Variants in RAP1GAP2 observed in about 807,000 individuals in gnomAD.
RAP1GAP2 encodes rap1 GTPase-activating protein 2.
RAP1GAP2 carries 27 observed loss-of-function variants against 95.0 expected under a neutral mutation model. The observed-to-expected ratio is 0.28, with a 90% confidence interval of 0.21 to 0.39. RAP1GAP2 has a LOEUF of 0.39. Among genes scored for constraint, RAP1GAP2 ranks in the 10% least tolerant of loss-of-function variants. RAP1GAP2 has a pLI of 1.00. For synonymous variants in RAP1GAP2, 373 were observed against 380.9 expected, an observed-to-expected ratio of 0.98 and a Z score of 0.24; for missense variants, 771 against 970.0, an observed-to-expected ratio of 0.79 and a Z score of 2.72.
At chr17:2,828,811 T>A (rs1477416365) in intron 2 of RAP1GAP2, among the ~76,000 whole-genome samples, 1 of 152,086 alleles carries the variant, frequency 6.6e-6, no homozygotes, top group Non-Finnish European at 1.5e-5. Flanking sequence ...CGGGTCTTGC[T>A]TTCAGTGTTT....
intron 4 of RAP1GAP2, 95 bp downstream of exon 4, chr17:2,957,889 C>A (rs1567822549): frequency 3.1e-6 from 4 of 1,300,348 alleles, no homozygotes; most frequent in African/African-American, 3.1e-5. Flanking sequence ...AAGCCGGGTG[C>A]CCTGGACGGG....
At chr17:2,787,453 A>C (rs898027184) in intron 1 of RAP1GAP2, among the ~76,000 whole-genome samples, 1 of 151,818 alleles carries the variant, frequency 6.6e-6, no homozygotes, top group Non-Finnish European at 1.5e-5. Flanking sequence ...ATGGGGTCTT[A>C]CTATGTTGCT....
At chr17:2,996,960 C>G (rs988274549) in intron 13 of RAP1GAP2, among the ~76,000 whole-genome samples, 1 of 152,186 alleles carries the variant, frequency 6.6e-6, no homozygotes, top group Non-Finnish European at 1.5e-5. Flanking sequence ...CTAGCCAGGA[C>G]TCGACATACA....
At chr17:2,841,292 A>G (rs1473159718) in intron 2 of RAP1GAP2, among the ~76,000 whole-genome samples, 1 of 145,700 alleles carries the variant, frequency 6.9e-6, no homozygotes, top group African/African-American at 2.6e-5. Context: ...AAGTTACAAG[A>G]GATATGGGGA....
At chr17:2,910,843 A>G (rs2042350940) in intron 3 of RAP1GAP2, among the ~76,000 whole-genome samples, 1 of 151,988 alleles carries the variant, frequency 6.6e-6, no homozygotes, top group African/African-American at 2.4e-5. Context: ...CTCCTGCCCC[A>G]GCGCACCACC....
chr17:2,992,164 C>CTTT (rs11454789), intron 12 of RAP1GAP2, among the ~76,000 whole-genome samples: 3 of 134,762 alleles, frequency 2.2e-5, no homozygotes, highest in Non-Finnish European at 4.8e-5. Context: ...ACAGTCTATG[C>CTTT]TTTTTTTTTT....
chr17:3,036,103 G>T lies in RAP1GAP2; in HGVS notation c.*2742G>T, dbSNP rs1485938470. 1 of 152,244 alleles carries T rather than the reference G, an allele frequency of 6.6e-6. No individual in the cohort carries two copies. Among genetic ancestry groups the T allele is most frequent in the African/African-American group, 2.4e-5 (1 of 41,458 alleles). The allele number at this position is 152,244 out of a possible 1,614,324, so 9.4% of individuals were successfully genotyped here. On this transcript the variant is annotated 3_prime_UTR_variant, in exon 25 of 25. Transcript: ENST00000254695. Reference sequence around the variant, plus strand: ...GACGCTTAAAAACAGGTGCAGAAAAGCTCGCGATGGAAGGTCTTAATGAGA... The same window carrying T: ...GACGCTTAAAAACAGGTGCAGAAAATCTCGCGATGGAAGGTCTTAATGAGA...
chr17:2,959,996 A>G (rs541026171), intron 4 of RAP1GAP2, among the ~76,000 whole-genome samples: 28 of 151,874 alleles, frequency 1.8e-4, no homozygotes, highest in African/African-American at 6.5e-4. Flanking sequence ...GTGGTGGCAC[A>G]CGCCTGTAAT....
intron 3 of RAP1GAP2, among the ~76,000 whole-genome samples, chr17:2,957,315 C>A (rs989545090): frequency 6.6e-6 from 1 of 152,114 alleles, no homozygotes; most frequent in African/African-American, 2.4e-5. Context: ...GTGGCCACAG[C>A]GACCCTGCTT....
At chr17:2,778,825 G>A (rs2068570047) in intron 1 of RAP1GAP2, among the ~76,000 whole-genome samples, 1 of 152,186 alleles carries the variant, frequency 6.6e-6, no homozygotes, top group Admixed American at 6.5e-5. Context: ...AGGAGAGGGA[G>A]GGGAAGCAAC....
In RAP1GAP2 at chr17:3,004,530, G is replaced by T. The variant is rs549651563; in HGVS notation, c.1201-839G>T. ...GCCTCGTGGGCTGAGAATAGGTGAA[G>T]TCAGGGCACCTCTGTGCAGAGGGAA... is the stretch of plus-strand genomic sequence containing the variant. On this transcript the variant is annotated intron_variant, in intron 14 of 24. Coordinates refer to ENST00000254695, the MANE Select transcript of RAP1GAP2 (RefSeq NM_015085.5). This position sits in a 1 kb window ranked among gnomAD's most constrained non-coding sequence, Gnocchi z 4.1. Among the ~76,000 whole-genome samples the T allele has an allele frequency of 6.6e-6, 1 of 152,396 alleles. No individual in the cohort carries two copies. Among genetic ancestry groups the T allele is most frequent in the Non-Finnish European group, 1.5e-5 (1 of 68,042 alleles).
chr17:2,849,067 G>A (rs1441530400), intron 2 of RAP1GAP2, among the ~76,000 whole-genome samples: 2 of 152,176 alleles, frequency 1.3e-5, no homozygotes, highest in African/African-American at 4.8e-5. Context: ...CAGAGCAGGT[G>A]TGTGTATGTG....
intron 2 of RAP1GAP2, among the ~76,000 whole-genome samples, chr17:2,865,493 C>T (rs542470193): frequency 3.9e-5 from 6 of 152,236 alleles, no homozygotes; most frequent in Admixed American, 2.0e-4. Context: ...TCTCACTTCT[C>T]GATATGAACT....
At chr17:2,761,578 G>A (rs1376774231) in intron 1 of RAP1GAP2, among the ~76,000 whole-genome samples, 2 of 152,126 alleles carry the variant, frequency 1.3e-5, no homozygotes, top group Admixed American at 6.6e-5. Context: ...GTGAGGCACC[G>A]CACCCGGCCA....
At chr17:2,764,005 G>A (rs1380518066) in intron 1 of RAP1GAP2, among the ~76,000 whole-genome samples, 2 of 152,070 alleles carry the variant, frequency 1.3e-5, no homozygotes, top group South Asian at 2.1e-4. Flanking sequence ...TGGGTCTCAC[G>A]TCCTCATCTA....
At chr17:2,997,143 C>A (rs561919745) in intron 13 of RAP1GAP2, among the ~76,000 whole-genome samples, 1 of 148,450 alleles carries the variant, frequency 6.7e-6, no homozygotes, top group African/African-American at 2.5e-5. Context: ...GCTTGGTGGC[C>A]GAGATCACAC....
chr17:2,785,674 G>C (rs367903501), intron 1 of RAP1GAP2, among the ~76,000 whole-genome samples: 1 of 152,140 alleles, frequency 6.6e-6, no homozygotes, highest in Non-Finnish European at 1.5e-5. Flanking sequence ...AAAAGGCCAA[G>C]AATTTCTTTT....
chr17:2,773,029 T>A (rs569161107), upstream of RAP1GAP2, among the ~76,000 whole-genome samples: 1 of 152,210 alleles, frequency 6.6e-6, no homozygotes, highest in African/African-American at 2.4e-5. Flanking sequence ...TGGCTAATTT[T>A]GTATTTTTAG....
At chr17:2,854,166 G>A (rs2072024390) in intron 2 of RAP1GAP2, 1 of 984,224 alleles carries the variant, frequency 1.0e-6, no homozygotes, top group Non-Finnish European at 1.2e-6. Flanking sequence ...TTTCTTTGGG[G>A]TGGACTTTTC....
Sources: gnomAD v4.1 joint callset for allele counts (sites outside exome capture counted in the v4.1 genomes callset) on GRCh38, gnomAD v4.1.1 for gene constraint, Gnocchi (gnomAD v3.1) non-coding constraint, MANE v1.5 for transcripts, NCBI Gene and HGNC (gene_info 2026-07-23, HGNC 2026-07-21) for gene names.